OXCT1: variants seen among roughly 807,000 people sequenced by gnomAD.
The protein encoded by OXCT1 is succinyl-CoA:3-ketoacid coenzyme A transferase 1, mitochondrial.
Under a neutral mutation model 69.6 loss-of-function variants are expected in OXCT1, and 27 were observed. That is an observed-to-expected ratio of 0.39 (90% CI 0.29 to 0.54). OXCT1 has a LOEUF of 0.54. Ranked by LOEUF, OXCT1 falls within the 20% of genes least tolerant of loss-of-function variation. The probability of loss-of-function intolerance (pLI) is 0.72; values close to 1 mark genes in which losing one functional copy is unlikely to be tolerated. For missense variants in OXCT1, 437 were observed against 650.2 expected, an observed-to-expected ratio of 0.67 and a Z score of 3.57; for synonymous variants, 202 against 217.8, an observed-to-expected ratio of 0.93 and a Z score of 0.64.
rs757604787 is a variant in OXCT1, at chr5:41,794,032, A to G, written c.1219T>C (p.Tyr407His). Residue 407 changes from tyrosine (Y) to histidine (H), a missense_variant, in exon 13 of 17, where the codon TAT becomes CAT. Transcript: ENST00000196371. ...TMLGAMQVSK[Y>H]GDLANWMIPG... Reference sequence around the variant, plus strand: ...ATCATCCAGTTAGCCAGGTCACCATATTTGGAAACCTGCATCGCTCCTAGC... The same window carrying G: ...ATCATCCAGTTAGCCAGGTCACCATGTTTGGAAACCTGCATCGCTCCTAGC... 8 of 1,613,052 alleles carry G rather than the reference A, an allele frequency of 5.0e-6. No homozygotes were observed. In the South Asian group the frequency reaches 8.8e-5, roughly 18 times the overall value.
chr5:41,769,202 A>G (rs1466945384), intron 13 of OXCT1, among the ~76,000 whole-genome samples: 1 of 152,158 alleles, frequency 6.6e-6, no homozygotes, highest in African/African-American at 2.4e-5. Flanking sequence ...TTGTAGTGGC[A>G]GGTAGTGACA....
intron 16 of OXCT1, among the ~76,000 whole-genome samples, chr5:41,737,512 GA>G (rs560308449): frequency 6.6e-6 from 1 of 151,996 alleles, no homozygotes; most frequent in East Asian, 1.9e-4. Flanking sequence ...CTTCCACATA[GA>G]AAAAAATAAT....
chr5:41,795,193 G>A (rs534372728), intron 11 of OXCT1, among the ~76,000 whole-genome samples: 1 of 152,018 alleles, frequency 6.6e-6, no homozygotes, highest in Non-Finnish European at 1.5e-5. Context: ...GGGTTCAGTC[G>A]GGCTTCTATC....
At chr5:41,828,173 TCTC>T (rs1054254126) in intron 7 of OXCT1, among the ~76,000 whole-genome samples, 8 of 152,110 alleles carry the variant, frequency 5.3e-5, no homozygotes, top group African/African-American at 1.9e-4. Flanking sequence ...ACTGGCAAAA[TCTC>T]CTCTCACTGC....
At chr5:41,753,485 C>T (rs1743912829) in intron 14 of OXCT1, among the ~76,000 whole-genome samples, 1 of 152,138 alleles carries the variant, frequency 6.6e-6, no homozygotes, top group South Asian at 2.1e-4. Flanking sequence ...AGCTGGAACA[C>T]ATACCACCAC....
At chr5:41,869,120 G>A (rs1011638857) in intron 1 of OXCT1, among the ~76,000 whole-genome samples, 9 of 152,184 alleles carry the variant, frequency 5.9e-5, no homozygotes, top group African/African-American at 2.2e-4. Context: ...TCTATCTGCA[G>A]TTATAAAAAT....
chr5:41,802,783 TA>T (rs1388969685), intron 10 of OXCT1, among the ~76,000 whole-genome samples: 1 of 152,040 alleles, frequency 6.6e-6, no homozygotes, highest in Non-Finnish European at 1.5e-5. Context: ...ATCTACTACA[TA>T]AAATACAATA....
intron 7 of OXCT1, among the ~76,000 whole-genome samples, chr5:41,828,114 G>T (rs565134200): frequency 2.6e-5 from 4 of 151,810 alleles, no homozygotes; most frequent in Admixed American, 2.0e-4. Flanking sequence ...TTTTTGTTTT[G>T]TTTTGTTTTT....
chr5:41,753,071 C>T (rs1399308890), intron 14 of OXCT1, among the ~76,000 whole-genome samples: 2 of 151,988 alleles, frequency 1.3e-5, no homozygotes, highest in African/African-American at 4.8e-5. Context: ...AGTAATAAAT[C>T]CCTTTGCTAT....
At chr5:41,737,145 T>C (rs1211149246) in intron 16 of OXCT1, among the ~76,000 whole-genome samples, 1 of 152,170 alleles carries the variant, frequency 6.6e-6, no homozygotes, top group Non-Finnish European at 1.5e-5. Context: ...CAAAAGCTAG[T>C]CCTCTGGATG....
rs146555445 is a variant in OXCT1, at chr5:41,754,478, A to C, written c.1339-4871T>G. On this transcript the variant is annotated intron_variant, in intron 14 of 16. Transcript: ENST00000196371. Reference sequence around the variant, plus strand: ...TGGATACCCCATTCTCCACAGTGTGATTATTTCACACCATATGCCTATATC... The same window carrying C: ...TGGATACCCCATTCTCCACAGTGTGCTTATTTCACACCATATGCCTATATC... Among the ~76,000 whole-genome samples the C allele has an allele frequency of 4.3e-3, 661 of 152,212 alleles. 4 individuals carry two copies. The highest frequency in any genetic ancestry group is 0.014 in the Middle Eastern group (4 of 294).
intron 5 of OXCT1, among the ~76,000 whole-genome samples, chr5:41,845,054 C>A (rs1458658368): frequency 6.6e-6 from 1 of 152,048 alleles, no homozygotes; most frequent in African/African-American, 2.4e-5. Flanking sequence ...CTTCCCACTG[C>A]GTTCCGTAAA....
At chr5:41,791,960 G>A (rs1428258240) in intron 13 of OXCT1, among the ~76,000 whole-genome samples, 2 of 152,022 alleles carry the variant, frequency 1.3e-5, no homozygotes, top group Non-Finnish European at 2.9e-5. Flanking sequence ...ATGCCACCAC[G>A]CCCGGCTAAT....
At chr5:41,833,318 G>C (rs1313154223) in intron 7 of OXCT1, among the ~76,000 whole-genome samples, 2 of 152,074 alleles carry the variant, frequency 1.3e-5, no homozygotes, top group African/African-American at 4.8e-5. Flanking sequence ...AGACTTTTCA[G>C]TGGAAACATT....
chr5:41,770,048 C>T lies in OXCT1; in HGVS notation c.1249-7848G>A, dbSNP rs972260337. ...GTGTTGGGATTACAGGCGTGAGCCA[C>T]CACGCCCAGCCCTTGCTCATTAGAC... On this transcript the variant is annotated intron_variant, in intron 13 of 16. Transcript: ENST00000196371. 6.6e-5 allele frequency among the ~76,000 whole-genome samples: 10 copies of T among 152,360 alleles called. No homozygotes were observed. In the South Asian group the frequency reaches 1.7e-3, roughly 25 times the overall value.
intron 13 of OXCT1, among the ~76,000 whole-genome samples, chr5:41,787,544 G>T (rs542813437): frequency 6.7e-6 from 1 of 149,114 alleles, no homozygotes; most frequent in Non-Finnish European, 1.5e-5. Context: ...AGAGGAAGAA[G>T]GTCTCAAGTC....
At chr5:41,811,557 T>C (rs768108252) in intron 7 of OXCT1, among the ~76,000 whole-genome samples, 13 of 151,954 alleles carry the variant, frequency 8.6e-5, no homozygotes, top group Non-Finnish European at 1.3e-4. Flanking sequence ...AGAAAGTGAA[T>C]ATATTCTTAG....
At chr5:41,768,303 C>T (rs1744714008) in intron 13 of OXCT1, among the ~76,000 whole-genome samples, 1 of 152,144 alleles carries the variant, frequency 6.6e-6, no homozygotes, top group Non-Finnish European at 1.5e-5. Flanking sequence ...ATTCTTCTAC[C>T]TTCCGCAAAC....
At chr5:41,869,693 C>T (rs1750187005) in intron 1 of OXCT1, among the ~76,000 whole-genome samples, 1 of 152,180 alleles carries the variant, frequency 6.6e-6, no homozygotes, top group African/African-American at 2.4e-5. Flanking sequence ...GCGAGCGCTC[C>T]AGTCTACGGG....
Sources: gnomAD v4.1 joint callset for allele counts (sites outside exome capture counted in the v4.1 genomes callset) on GRCh38, gnomAD v4.1.1 for gene constraint, MANE v1.5 for transcripts, NCBI Gene and HGNC (gene_info 2026-07-23, HGNC 2026-07-21) for gene names.